Variants in LRRC4C observed in about 807,000 individuals in gnomAD.
LRRC4C encodes the protein leucine-rich repeat-containing protein 4C.
LRRC4C carries 5 observed loss-of-function variants against 33.6 expected under a neutral mutation model. The ratio of observed to expected loss-of-function variants is 0.15; its 90% CI spans 0.08 to 0.31. The LOEUF is 0.31. LRRC4C is among the 10% of genes least tolerant of loss of function. The probability of loss-of-function intolerance (pLI) is 1.00; values close to 1 mark genes in which losing one functional copy is unlikely to be tolerated. For synonymous variants in LRRC4C, 329 were observed against 302.0 expected, an observed-to-expected ratio of 1.09 and a Z score of -0.93; for missense variants, 560 against 796.7, an observed-to-expected ratio of 0.70 and a Z score of 3.58.
chr11:40,639,601 C>A (rs752288229), intron 3 of LRRC4C, among the ~76,000 whole-genome samples: 6 of 152,300 alleles, frequency 3.9e-5, no homozygotes, highest in Middle Eastern at 3.4e-3. Context: ...GAGTCACTCT[C>A]TGTAATAGAT....
chr11:41,308,898 G>A (rs990118390), intron 1 of LRRC4C, among the ~76,000 whole-genome samples: 9 of 151,688 alleles, frequency 5.9e-5, no homozygotes, highest in African/African-American at 1.5e-4. Flanking sequence ...CCCACCTCCC[G>A]GTATCAAGTG....
At chr11:40,630,960 A>G (rs1454162675) in intron 3 of LRRC4C, among the ~76,000 whole-genome samples, 1 of 152,254 alleles carries the variant, frequency 6.6e-6, no homozygotes, top group Non-Finnish European at 1.5e-5. Context: ...GAAATGTAAA[A>G]GAAATTTTAT....
intron 1 of LRRC4C, among the ~76,000 whole-genome samples, chr11:41,391,813 T>C (rs1042910685): frequency 3.3e-5 from 5 of 151,946 alleles, no homozygotes; most frequent in Non-Finnish European, 7.4e-5. Flanking sequence ...TTTTACATTA[T>C]CTCAAATGTG....
intron 3 of LRRC4C, among the ~76,000 whole-genome samples, chr11:40,529,013 T>C (rs992348443): frequency 1.3e-5 from 2 of 152,110 alleles, no homozygotes; most frequent in African/African-American, 4.8e-5. Flanking sequence ...TGCTGTTCAA[T>C]TGGTATAAGG....
intron 1 of LRRC4C, among the ~76,000 whole-genome samples, chr11:40,946,376 A>G (rs1958401048): frequency 6.6e-6 from 1 of 152,178 alleles, no homozygotes; most frequent in Admixed American, 6.6e-5. Flanking sequence ...TGCTATGGTG[A>G]ATAGTGCTGT....
At chr11:41,073,717 T>C (rs1938890679) in intron 1 of LRRC4C, among the ~76,000 whole-genome samples, 3 of 152,216 alleles carry the variant, frequency 2.0e-5, no homozygotes, top group African/African-American at 4.8e-5. Context: ...ATGGGTAATA[T>C]GGTTTAGGTG....
At chr11:41,328,756 C>G (rs1951202522) in intron 1 of LRRC4C, among the ~76,000 whole-genome samples, 1 of 152,214 alleles carries the variant, frequency 6.6e-6, no homozygotes, top group South Asian at 2.1e-4. Context: ...TCTCTCAGAT[C>G]TGTCTTCTTC....
chr11:40,156,526 A>T (rs1249164968), intron 5 of LRRC4C, among the ~76,000 whole-genome samples: 2 of 152,194 alleles, frequency 1.3e-5, no homozygotes, highest in South Asian at 4.1e-4. Context: ...AATGTACATA[A>T]ATCAGTAGCT....
intron 3 of LRRC4C, among the ~76,000 whole-genome samples, chr11:40,611,663 A>T (rs1478468838): frequency 1.3e-5 from 2 of 151,848 alleles, no homozygotes; most frequent in African/African-American, 4.8e-5. Context: ...TTACAATTCA[A>T]TAGCAAGAAA....
chr11:41,191,023 A>T (rs1261753234), intron 1 of LRRC4C, among the ~76,000 whole-genome samples: 1 of 152,128 alleles, frequency 6.6e-6, no homozygotes, highest in Admixed American at 6.5e-5. Flanking sequence ...TGATTACAGT[A>T]ATCTGTTTTA....
chr11:40,648,899 A>C (rs894644357), intron 2 of LRRC4C, among the ~76,000 whole-genome samples: 1 of 152,164 alleles, frequency 6.6e-6, no homozygotes, highest in African/African-American at 2.4e-5. Context: ...GGGTGACCTC[A>C]CATATCGGTA....
intron 1 of LRRC4C, among the ~76,000 whole-genome samples, chr11:40,943,460 T>C (rs1481628817): frequency 6.6e-6 from 1 of 152,192 alleles, no homozygotes; most frequent in Non-Finnish European, 1.5e-5. Context: ...AATGCAATTC[T>C]AGGAACTCAC....
At chr11:40,581,771 C>T (rs1269789391) in intron 3 of LRRC4C, among the ~76,000 whole-genome samples, 1 of 152,036 alleles carries the variant, frequency 6.6e-6, no homozygotes, top group African/African-American at 2.4e-5. Context: ...GGCATGGTGG[C>T]ACCCACCTGT....
At chr11:40,391,153 C>T (rs570326769) in intron 3 of LRRC4C, among the ~76,000 whole-genome samples, 4 of 152,270 alleles carry the variant, frequency 2.6e-5, no homozygotes, top group African/African-American at 2.4e-5. Flanking sequence ...GCTAGGATTA[C>T]AGGTCATTTC....
intron 2 of LRRC4C, among the ~76,000 whole-genome samples, chr11:40,696,327 AGTATATATATATGGT>A (rs1449500965): frequency 7.0e-6 from 1 of 142,900 alleles, no homozygotes; most frequent in Admixed American, 7.1e-5. Flanking sequence ...TATATATATG[AGTATATATATATGGT>A]GTATATATAT....
chr11:41,387,962 A>G (rs999114105), intron 1 of LRRC4C, among the ~76,000 whole-genome samples: 3 of 151,824 alleles, frequency 2.0e-5, no homozygotes, highest in African/African-American at 7.2e-5. Flanking sequence ...ATATCTTTTT[A>G]AAAAGCTTCT....
chr11:40,649,050 C>G (rs918548014), intron 2 of LRRC4C, among the ~76,000 whole-genome samples: 11 of 152,154 alleles, frequency 7.2e-5, no homozygotes, highest in Non-Finnish European at 1.5e-4. Context: ...TCACATGTTT[C>G]TGAGGAAACA....
chr11:40,481,428 G>GTAAGTA (rs1953557373), intron 3 of LRRC4C, among the ~76,000 whole-genome samples: 1 of 152,064 alleles, frequency 6.6e-6, no homozygotes, highest in African/African-American at 2.4e-5. Context: ...CACTATTTCA[G>GTAAGTA]TGCTTAACAT....
At chr11:40,131,225 C>T (rs1025767623) in intron 6 of LRRC4C, among the ~76,000 whole-genome samples, 9 of 152,156 alleles carry the variant, frequency 5.9e-5, no homozygotes, top group Admixed American at 1.3e-4. Flanking sequence ...AAGTCCATTG[C>T]TAAGACTTAT....
Sources: gnomAD v4.1 joint callset for allele counts (sites outside exome capture counted in the v4.1 genomes callset) on GRCh38, gnomAD v4.1.1 for gene constraint, MANE v1.5 for transcripts, NCBI Gene and HGNC (gene_info 2026-07-23, HGNC 2026-07-21) for gene names.